The following SNED1 variants were observed in gnomAD, a reference collection of about 807,000 sequenced individuals.
The protein encoded by SNED1 is sushi, nidogen and EGF like domains 1.
In SNED1, 81 loss-of-function variants were observed where a neutral mutation model predicts 166.7. The observed-to-expected ratio is 0.49, with a 90% CI of 0.41 to 0.58. The LOEUF (loss-of-function observed/expected upper bound fraction) is 0.58, where lower values mean the gene tolerates loss of function less well. Ranked by LOEUF, SNED1 falls within the 20% of genes least tolerant of loss-of-function variation. SNED1 has a pLI of 0.00. For missense variants in SNED1, 1,604 were observed against 2,000.2 expected (o/e 0.80, Z 3.78); for synonymous variants, 762 against 822.0 (o/e 0.93, Z 1.25).
At chr2:241,010,912 A>G (rs1321086420) in intron 1 of SNED1, among the ~76,000 whole-genome samples, 1 of 152,158 alleles carries the variant, frequency 6.6e-6, no homozygotes, top group Non-Finnish European at 1.5e-5. Flanking sequence ...CGGGACCCCA[A>G]AGGAGACCAG....
chr2:241,079,001 C>A (rs937943966), intron 27 of SNED1, among the ~76,000 whole-genome samples: 1 of 150,918 alleles, frequency 6.6e-6, no homozygotes, highest in South Asian at 2.1e-4. Context: ...ATAATCCCAG[C>A]TATTCAGGAG....
At chr2:241,012,590 G>A (rs1475639091) in intron 1 of SNED1, among the ~76,000 whole-genome samples, 2 of 152,156 alleles carry the variant, frequency 1.3e-5, no homozygotes, top group East Asian at 1.9e-4. Flanking sequence ...ACACATTTGG[G>A]TCTGCTATTG....
Position 240,999,423 on chromosome 2 carries a change from C to T in SNED1, c.213+373C>T, listed in dbSNP as rs1237367959. Reference sequence around the variant, plus strand: ...GGCCGTGGGCACGGGCTTCCCGGGCCTCAGTTTCCCAAGTGGGGCGCCGGG... The same window carrying T: ...GGCCGTGGGCACGGGCTTCCCGGGCTTCAGTTTCCCAAGTGGGGCGCCGGG... On this transcript the variant is annotated intron_variant, in intron 1 of 31. Coordinates refer to ENST00000310397, the MANE Select transcript of SNED1 (RefSeq NM_001080437.3). This position sits in a 1 kb window ranked among gnomAD's most constrained non-coding sequence, Gnocchi z 5.8. Among the ~76,000 whole-genome samples the T allele has an allele frequency of 6.6e-6, 1 of 152,190 alleles. No homozygotes were observed. Among genetic ancestry groups the T allele is most frequent in the East Asian group, 1.9e-4 (1 of 5,198 alleles).
Position 241,073,394 on chromosome 2 carries a change from GGACT to G in SNED1, c.3916+40_3916+43del, listed in dbSNP as rs1336182289. 7.9e-6 allele frequency: 12 copies of G among 1,524,818 alleles called. No individual in the cohort carries two copies. The highest frequency in any genetic ancestry group is 7.8e-5 in the Admixed American group (4 of 51,046). The allele number at this position is 1,524,818 out of a possible 1,614,324, so 94.5% of individuals were successfully genotyped here. A position where few individuals can be genotyped will look rare whatever the true frequency, so the allele number is the denominator to read the frequency against. ...GTCAGCAGCGCTGGTGGGGACTTTGGGACTGACTGACTGCTCTCAGGGGCCTTAG... is the reference window on the plus strand; with the variant it reads ...GTCAGCAGCGCTGGTGGGGACTTTGGGACTGACTGCTCTCAGGGGCCTTAG... On this transcript the variant is annotated intron_variant, in intron 27 of 31. Transcript: ENST00000310397. The surrounding 1 kb of genome is among the most constrained non-coding windows in gnomAD (Gnocchi z 6.6).
At chr2:241,087,130 C>T (rs2063622699) in intron 29 of SNED1, 3 of 426,524 alleles carry the variant, frequency 7.0e-6, no homozygotes, top group Non-Finnish European at 1.2e-5. Flanking sequence ...AGTACCATAT[C>T]CTTTGTCAGT....
At position 241,018,547 on chromosome 2, in the gene SNED1, G is replaced by C. The variant is rs2060671606; in HGVS notation, c.214-11737G>C. On this transcript the variant is annotated intron_variant, in intron 1 of 31. Coordinates refer to ENST00000310397, the MANE Select transcript of SNED1 (RefSeq NM_001080437.3). The surrounding 1 kb of genome is among the most constrained non-coding windows in gnomAD (Gnocchi z 5.4). ...GACTGGCGTTCTCTCTCTTCAGCCAGGAAGCCAGAATGCACATCCCAGGAA... is the reference window on the plus strand; with the variant it reads ...GACTGGCGTTCTCTCTCTTCAGCCACGAAGCCAGAATGCACATCCCAGGAA... Among the ~76,000 whole-genome samples, 1 of 152,200 alleles carries C rather than the reference G, an allele frequency of 6.6e-6. No individual in the cohort carries two copies. Among genetic ancestry groups the C allele is most frequent in the Non-Finnish European group, 1.5e-5 (1 of 68,038 alleles).
At chr2:241,083,033 A>C (rs1237581716) in intron 29 of SNED1, among the ~76,000 whole-genome samples, 1 of 152,148 alleles carries the variant, frequency 6.6e-6, no homozygotes, top group African/African-American at 2.4e-5. Flanking sequence ...TGCCTTCAGG[A>C]CCCGTTCATT....
chr2:241,036,857 C>A lies in SNED1; in HGVS notation c.873C>A (p.Gly291=). Residue 291 remains glycine, a synonymous_variant, in exon 5 of 32, where the codon GGC becomes GGA. Coordinates refer to ENST00000310397, the MANE Select transcript of SNED1 (RefSeq NM_001080437.3). ...AGTGCATCGACGACTGCGTCACGGGCAACCCCTCCTACACCTGCTCCTGCC... is the reference window on the plus strand; with the variant it reads ...AGTGCATCGACGACTGCGTCACGGGAAACCCCTCCTACACCTGCTCCTGCC... ...GGKCIDDCVT[G]NPSYTCSCLS... is the part of the protein sequence containing the mutation. 6.2e-7 allele frequency: 1 copy of A among 1,611,770 alleles called. No homozygotes were observed. The highest frequency in any genetic ancestry group is 2.2e-5 in the East Asian group (1 of 44,846).
At chr2:241,071,273 T>G in intron 24 of SNED1, 5 of 462,286 alleles carry the variant, frequency 1.1e-5, no homozygotes, top group Non-Finnish European at 1.6e-5. Flanking sequence ...CCCAGCCCCT[T>G]GAGAACTTGA....
Position 241,069,782 on chromosome 2 carries a change from G to T in SNED1, c.3308-138G>T. 1 of 988,276 alleles carries T rather than the reference G, an allele frequency of 1.0e-6. No homozygotes were observed. 61.2% of individuals were successfully genotyped at this position (988,276 alleles called of 1,614,324 possible). A position where few individuals can be genotyped will look rare whatever the true frequency, so the allele number is the denominator to read the frequency against. On this transcript the variant is annotated intron_variant, in intron 23 of 31. Transcript: ENST00000310397. This position sits in a 1 kb window ranked among gnomAD's most constrained non-coding sequence, Gnocchi z 4.9. The stretch of plus-strand genomic sequence containing the variant: ...TACGTGCCAGCCCACACCCCGCCTC[G>T]GCACTGTACCATTCTCCATAATAAA...
rs187375896 is a variant in SNED1 at position 241,081,352 on chromosome 2, G to A, written c.3917-325G>A. ...GGGTGGGGAGGGGCCACAGGCCAGT[G>A]GGGGCTCAGCACTGAAGGCCCCGCT... On this transcript the variant is annotated intron_variant, in intron 27 of 31. Transcript: ENST00000310397. Among the ~76,000 whole-genome samples, 758 of 152,280 alleles carry A rather than the reference G, an allele frequency of 5.0e-3. 12 individuals are homozygous for A. The highest frequency in any genetic ancestry group is 6.3e-3 in the Non-Finnish European group (431 of 68,014).
At chr2:241,028,368 C>T (rs2061050558) in intron 1 of SNED1, among the ~76,000 whole-genome samples, 1 of 152,054 alleles carries the variant, frequency 6.6e-6, no homozygotes, top group Non-Finnish European at 1.5e-5. Context: ...TTTCCAAATC[C>T]AGCGTCATGA....
Position 241,037,268 on chromosome 2 carries a change from T to TCAC in SNED1, c.962_963insCCA (p.Cys320_Gln321insHis). On this transcript the variant is annotated inframe_insertion, in exon 6 of 32. Transcript: ENST00000310397. ...TGAACGAATGTGCCTCCCAGCCCTG[T>TCAC]CAGAATGGTGGGACCTGTACTCACG... 6.2e-7 allele frequency: 1 copy of TCAC among 1,611,382 alleles called. No individual in the cohort carries two copies. The highest frequency in any genetic ancestry group is 8.5e-7 in the Non-Finnish European group (1 of 1,179,112).
In SNED1 at chr2:241,049,914, C is replaced by T. The variant is rs374401185; in HGVS notation, c.1716C>T (p.His572=). The T allele has an allele frequency of 5.0e-6, 8 of 1,613,384 alleles. No individual in the cohort carries two copies. Among genetic ancestry groups the T allele is most frequent in the Admixed American group, 3.3e-5 (2 of 60,004 alleles). The change falls in exon 12 of 32, where the codon CAC becomes CAT. Residue 572 remains histidine (H), a synonymous_variant. Transcript: ENST00000310397. ...CCTGCGAGTGCCCGCGCGGGTTCCA[C>T]GGCAAGCACTGCGAGAAAGGTATGG... ...SYTCECPRGF[H]GKHCEKARPH...
chr2:241,014,328 T>C (rs1316809789), intron 1 of SNED1, among the ~76,000 whole-genome samples: 1 of 152,180 alleles, frequency 6.6e-6, no homozygotes, highest in Non-Finnish European at 1.5e-5. Flanking sequence ...TTGTGAAAAC[T>C]CTTGAAGGCA....
chr2:241,043,769 C>G (rs909338082), intron 8 of SNED1, among the ~76,000 whole-genome samples: 5 of 152,192 alleles, frequency 3.3e-5, no homozygotes, highest in Non-Finnish European at 5.9e-5. Flanking sequence ...CATATGGTCT[C>G]TATCACAACT....
intron 16 of SNED1, among the ~76,000 whole-genome samples, chr2:241,056,242 T>A (rs2062036608): frequency 6.6e-6 from 1 of 152,136 alleles, no homozygotes. Flanking sequence ...ATAGAAAATC[T>A]AGAACTGAAA....
chr2:241,038,338 C>T (rs2061433361), intron 6 of SNED1, among the ~76,000 whole-genome samples: 2 of 152,150 alleles, frequency 1.3e-5, no homozygotes, highest in African/African-American at 4.8e-5. Context: ...TAAAGTACTT[C>T]CTTCCTGTGT....
Position 241,019,452 on chromosome 2 carries a change from A to G in SNED1, c.214-10832A>G, listed in dbSNP as rs931577220. ...CTAATTGGACTGGAACAGCAACACA[A>G]TAACCTGGAGAGCGGAGACCCCACT... On this transcript the variant is annotated intron_variant, in intron 1 of 31. Coordinates refer to ENST00000310397, the MANE Select transcript of SNED1 (RefSeq NM_001080437.3). Among the ~76,000 whole-genome samples, 4 of 152,186 alleles carry G rather than the reference A, an allele frequency of 2.6e-5. No individual in the cohort carries two copies. In the East Asian group the frequency reaches 7.7e-4, roughly 29 times the overall value.
Sources: allele counts gnomAD v4.1 joint callset (sites outside exome capture counted in the v4.1 genomes callset), GRCh38; gene constraint gnomAD v4.1.1; non-coding constraint Gnocchi (gnomAD v3.1); transcripts MANE v1.5; gene names NCBI Gene and HGNC (gene_info 2026-07-23, HGNC 2026-07-21).